LRRC4C: variants seen among roughly 807,000 people sequenced by gnomAD.
LRRC4C encodes leucine rich repeat containing 4C, also known as leucine-rich repeat-containing protein 4C.
Under a neutral mutation model 33.6 loss-of-function variants are expected in LRRC4C, and 5 were observed. The ratio of observed to expected loss-of-function variants is 0.15; its 90% CI spans 0.08 to 0.31. The LOEUF (loss-of-function observed/expected upper bound fraction) is 0.31. Among genes scored for constraint, LRRC4C ranks in the 10% least tolerant of loss-of-function variants. The pLI is 1.00. For missense variants in LRRC4C, 560 were observed against 796.7 expected, an observed-to-expected ratio of 0.70 and a Z score of 3.58; for synonymous variants, 329 against 302.0, an observed-to-expected ratio of 1.09 and a Z score of -0.93.
chr11:41,177,793 A>G (rs1945270706), intron 1 of LRRC4C, among the ~76,000 whole-genome samples: 1 of 152,246 alleles, frequency 6.6e-6, no homozygotes, highest in African/African-American at 2.4e-5. Flanking sequence ...AATTATATAT[A>G]GGCAATCACA....
At chr11:40,251,660 A>T (rs980123849) in intron 4 of LRRC4C, among the ~76,000 whole-genome samples, 1 of 152,248 alleles carries the variant, frequency 6.6e-6, no homozygotes, top group African/African-American at 2.4e-5. Context: ...CACCTAAACT[A>T]GCACCTTCAC....
intron 3 of LRRC4C, among the ~76,000 whole-genome samples, chr11:40,518,874 G>T (rs1193902382): frequency 6.6e-6 from 1 of 152,150 alleles, no homozygotes; most frequent in Non-Finnish European, 1.5e-5. Context: ...ACTGGATAAA[G>T]AAAATGTGGC....
chr11:40,905,551 C>T (rs145499294), intron 2 of LRRC4C, among the ~76,000 whole-genome samples: 8 of 152,306 alleles, frequency 5.3e-5, no homozygotes, highest in Admixed American at 1.3e-4. Flanking sequence ...AGAAACTACA[C>T]GTTCCATATG....
intron 2 of LRRC4C, among the ~76,000 whole-genome samples, chr11:40,901,901 C>G (rs1339929486): frequency 6.6e-6 from 1 of 151,800 alleles, no homozygotes; most frequent in Non-Finnish European, 1.5e-5. Flanking sequence ...ATTTACCACT[C>G]TCACTGAAAC....
At chr11:40,669,931 A>G (rs1333838010) in intron 2 of LRRC4C, among the ~76,000 whole-genome samples, 1 of 152,224 alleles carries the variant, frequency 6.6e-6, no homozygotes, top group African/African-American at 2.4e-5. Flanking sequence ...CATAAAATAT[A>G]CTATACTATA....
At chr11:41,241,838 G>C (rs1948262953) in intron 1 of LRRC4C, among the ~76,000 whole-genome samples, 1 of 152,140 alleles carries the variant, frequency 6.6e-6, no homozygotes, top group African/African-American at 2.4e-5. Flanking sequence ...GTTGTGCTCA[G>C]TGCAAGCCCA....
At chr11:40,888,557 A>G (rs747294544) in intron 2 of LRRC4C, among the ~76,000 whole-genome samples, 1 of 152,006 alleles carries the variant, frequency 6.6e-6, no homozygotes, top group Non-Finnish European at 1.5e-5. Context: ...TTATTTGGAA[A>G]TGTTGTTCCC....
chr11:41,044,857 T>A (rs1857665834), intron 1 of LRRC4C, among the ~76,000 whole-genome samples: 1 of 152,128 alleles, frequency 6.6e-6, no homozygotes, highest in Non-Finnish European at 1.5e-5. Context: ...TCCTCTAAAA[T>A]ATCCTCACTG....
chr11:40,601,159 G>T lies in LRRC4C; in HGVS notation c.-270+46983C>A, dbSNP rs1048490656. ...ACTTAAAGTACTTGCTTTATCTTCT[G>T]CTTCTCACCAAGTATCATTAATTTC... On this transcript the variant is annotated intron_variant, in intron 3 of 6. Coordinates refer to ENST00000528697, the MANE Select transcript of LRRC4C (RefSeq NM_001258419.2). Among the ~76,000 whole-genome samples the T allele has an allele frequency of 3.9e-5, 6 of 151,932 alleles. 1 individual carries two copies. Among genetic ancestry groups the T allele is most frequent in the African/African-American group, 1.5e-4 (6 of 41,352 alleles).
intron 4 of LRRC4C, among the ~76,000 whole-genome samples, chr11:40,279,857 T>C (rs1431456660): frequency 6.6e-6 from 1 of 152,206 alleles, no homozygotes; most frequent in African/African-American, 2.4e-5. Context: ...CATTTATTAG[T>C]ATTACTTATG....
chr11:40,307,577 C>A (rs907705103), intron 4 of LRRC4C, among the ~76,000 whole-genome samples: 2 of 152,196 alleles, frequency 1.3e-5, no homozygotes, highest in Non-Finnish European at 2.9e-5. Flanking sequence ...ACGACCTTTG[C>A]CTTCTGCCAT....
chr11:41,052,618 A>C (rs1038637503), intron 1 of LRRC4C, among the ~76,000 whole-genome samples: 2 of 152,092 alleles, frequency 1.3e-5, no homozygotes, highest in Non-Finnish European at 2.9e-5. Flanking sequence ...TATAGAAAAA[A>C]ATCTCATGTC....
chr11:40,116,184 CAAG>C lies in LRRC4C; in HGVS notation c.106_108del (p.Leu36del). 6.2e-7 allele frequency: 1 copy of C among 1,613,950 alleles called. No individual in the cohort carries two copies. Among genetic ancestry groups the C allele is most frequent in the Non-Finnish European group, 8.5e-7 (1 of 1,179,952 alleles). On this transcript the variant is annotated inframe_deletion, in exon 7 of 7. Coordinates refer to ENST00000528697, the MANE Select transcript of LRRC4C (RefSeq NM_001258419.2). ...TGAGCCCGCACCAGACCAGCCACCA[CAAG>C]AAGTTGAAGAGCCAGCAGCACCACA...
At chr11:40,588,092 A>C (rs1208970291) in intron 3 of LRRC4C, among the ~76,000 whole-genome samples, 1 of 151,764 alleles carries the variant, frequency 6.6e-6, no homozygotes, top group Non-Finnish European at 1.5e-5. Context: ...TTTGGCTGTG[A>C]ATCCATCTGG....
In LRRC4C at chr11:40,874,515, C is replaced by T. The variant is rs1420893024; in HGVS notation, c.-407+59120G>A. On this transcript the variant is annotated intron_variant, in intron 2 of 6. Coordinates refer to ENST00000528697, the MANE Select transcript of LRRC4C (RefSeq NM_001258419.2). ...AATTATTTTCTCAGCTTTGATGTCA[C>T]ATCATGCCTCCCACTTTGGAAAATA... Among the ~76,000 whole-genome samples the T allele has an allele frequency of 3.9e-5, 6 of 152,192 alleles. 1 individual carries two copies. The highest frequency in any genetic ancestry group is 7.3e-5 in the Non-Finnish European group (5 of 68,028).
intron 5 of LRRC4C, among the ~76,000 whole-genome samples, chr11:40,207,269 C>A (rs1863229990): frequency 6.6e-6 from 1 of 152,090 alleles, no homozygotes. Context: ...GCTTTCCATG[C>A]TGTGGAAAAT....
chr11:40,500,047 A>G (rs947608841), intron 3 of LRRC4C, among the ~76,000 whole-genome samples: 1 of 152,018 alleles, frequency 6.6e-6, no homozygotes, highest in African/African-American at 2.4e-5. Flanking sequence ...GAATGGAAAT[A>G]TCTGCAATAA....
chr11:41,201,359 C>T (rs1020436701), intron 1 of LRRC4C, among the ~76,000 whole-genome samples: 18 of 152,158 alleles, frequency 1.2e-4, no homozygotes, highest in African/African-American at 4.3e-4. Context: ...CAACGTGACA[C>T]CTAGTGGCGG....
intron 3 of LRRC4C, among the ~76,000 whole-genome samples, chr11:40,558,674 C>T (rs1285895467): frequency 6.6e-6 from 1 of 152,152 alleles, no homozygotes; most frequent in Non-Finnish European, 1.5e-5. Flanking sequence ...TCTTTGCTTA[C>T]TCTTAGCCTA....
Sources: gnomAD v4.1 joint callset for allele counts (sites outside exome capture counted in the v4.1 genomes callset) on GRCh38, gnomAD v4.1.1 for gene constraint, MANE v1.5 for transcripts, NCBI Gene and HGNC (gene_info 2026-07-23, HGNC 2026-07-21) for gene names.